KIF11: variants seen among roughly 807,000 people sequenced by gnomAD.
KIF11 encodes kinesin-like protein KIF11.
A neutral mutation model predicts 121.0 loss-of-function variants in KIF11; 9 were observed. That is an observed-to-expected ratio of 0.07 (90% confidence interval 0.04 to 0.13). KIF11 has a LOEUF of 0.13. KIF11 is among the 10% of genes least tolerant of loss of function. The probability of loss-of-function intolerance (pLI) is 1.00; values close to 1 mark genes in which losing one functional copy is unlikely to be tolerated. For synonymous variants in KIF11, 408 were observed against 421.0 expected, an observed-to-expected ratio of 0.97 and a Z score of 0.38; for missense variants, 846 against 1,217.5, an observed-to-expected ratio of 0.69 and a Z score of 4.54.
intron 1 of KIF11, among the ~76,000 whole-genome samples, chr10:92,604,899 G>A (rs1844411904): frequency 3.9e-5 from 6 of 152,104 alleles, no homozygotes; most frequent in Admixed American, 3.9e-4. Context: ...AGGCAATGTA[G>A]TTTAACAGAT....
Position 92,639,897 on chromosome 10 carries a change from A to T in KIF11, c.2264A>T (p.Gln755Leu). 6.6e-7 allele frequency: 1 copy of T among 1,505,066 alleles called. No homozygotes were observed. Among genetic ancestry groups the T allele is most frequent in the Non-Finnish European group, 9.2e-7 (1 of 1,091,246 alleles). 93.2% of individuals were successfully genotyped at this position (1,505,066 alleles called of 1,614,324 possible). ...CTTAGTAGTGTCCAGGAAAATATAC[A>T]GCAGTAAGCTATTTTTAAATTCTCT... Reference protein sequence around the residue: ...KPLSSVQENIQQKSKDIVNKM... With the variant: ...KPLSSVQENILQKSKDIVNKM... The change falls in exon 17 of 22, where the codon CAG (glutamine) becomes CTG (leucine). Residue 755 changes from glutamine (Q) to leucine (L), a missense_variant. Physicochemically the swap from Gln to Leu is moderately radical, Grantham distance 113. Coordinates refer to ENST00000260731, the MANE Select transcript of KIF11 (RefSeq NM_004523.4).
Position 92,609,202 on chromosome 10 carries a change from C to T in KIF11, c.570C>T (p.Asn190=). ...TACAGATGTTTGATGATCCCCGTAACAAGGTAATTCAGTCTTTGAGAATGA... is the reference window on the plus strand; with the variant it reads ...TACAGATGTTTGATGATCCCCGTAATAAGGTAATTCAGTCTTTGAGAATGA... ...ERLQMFDDPR[N]KRGVIIKGLE... Residue 190 remains asparagine, a synonymous_variant, in exon 5 of 22, where the codon AAC becomes AAT. Transcript: ENST00000260731. The T allele has an allele frequency of 6.4e-7, 1 of 1,557,784 alleles. No homozygotes were observed. Among genetic ancestry groups the T allele is most frequent in the Non-Finnish European group, 8.7e-7 (1 of 1,151,960 alleles).
chr10:92,601,418 C>T (rs996448150), intron 1 of KIF11, among the ~76,000 whole-genome samples: 25 of 151,488 alleles, frequency 1.7e-4, no homozygotes, highest in Middle Eastern at 3.4e-3. Flanking sequence ...GCCGTTTTAG[C>T]CAGGCTGGTC....
At chr10:92,599,206 C>T (rs1320450125) in intron 1 of KIF11, among the ~76,000 whole-genome samples, 2 of 151,646 alleles carry the variant, frequency 1.3e-5, no homozygotes, top group Non-Finnish European at 2.9e-5. Context: ...TTAGATTGTT[C>T]ATTCTTAGTG....
At position 92,616,011 on chromosome 10, in the gene KIF11, G is replaced by T. The variant is rs182950645; in HGVS notation, c.1033-726G>T. ...CCACCACCATGCCTGGCTAATTTTT[G>T]TATTTGTGGTGGAGACAGGGTTTCA... is the stretch of plus-strand genomic sequence containing the variant. On this transcript the variant is annotated intron_variant, in intron 8 of 21. Coordinates refer to ENST00000260731, the MANE Select transcript of KIF11 (RefSeq NM_004523.4). Among the ~76,000 whole-genome samples, 1,505 of 151,646 alleles carry T rather than the reference G, an allele frequency of 9.9e-3. 30 individuals carry two copies. Among genetic ancestry groups the T allele is most frequent in the African/African-American group, 0.034 (1,405 of 41,352 alleles).
At chr10:92,623,755 C>G (rs1844641959) in intron 10 of KIF11, among the ~76,000 whole-genome samples, 1 of 152,086 alleles carries the variant, frequency 6.6e-6, no homozygotes, top group African/African-American at 2.4e-5. Context: ...GGCACTCAAT[C>G]CTGGCCTGTA....
At chr10:92,651,507 GTTTTTTTTTTTTTTTTTTTTTTTTTT>G (rs1175303233) in intron 21 of KIF11, among the ~76,000 whole-genome samples, 48 of 52,974 alleles carry the variant, frequency 9.1e-4, no homozygotes, top group African/African-American at 2.1e-3. Flanking sequence ...GGCTAATTTT[GTTTTTTTTTTTTTTTTTTTTTTTTTT>G]TTTTTTTTTT....
In KIF11 at chr10:92,613,758, C is replaced by T. The variant is rs1844520610; in HGVS notation, c.1032+139C>T. 3.8e-6 allele frequency: 3 copies of T among 784,184 alleles called. No individual in the cohort carries two copies. Among genetic ancestry groups the T allele is most frequent in the South Asian group, 2.0e-5 (1 of 48,996 alleles). 48.6% of individuals were successfully genotyped at this position (784,184 alleles called of 1,614,324 possible). On this transcript the variant is annotated intron_variant, in intron 8 of 21. Transcript: ENST00000260731. This position sits in a 1 kb window ranked among gnomAD's most constrained non-coding sequence, Gnocchi z 4.2. ...CAGCACTTTGGAAGTCCAAGGTGGG[C>T]GGATCACTTGAGCTTAGGAGTGCCT...
intron 6 of KIF11, 75 bp downstream of exon 6, chr10:92,609,584 G>T: frequency 1.4e-6 from 2 of 1,477,090 alleles, no homozygotes; most frequent in South Asian, 2.7e-5. Context: ...AAGTCAAATT[G>T]GGGTGGGTCA....
intron 10 of KIF11, among the ~76,000 whole-genome samples, chr10:92,625,677 C>T (rs1218535963): frequency 6.6e-6 from 1 of 152,020 alleles, no homozygotes; most frequent in African/African-American, 2.4e-5. Context: ...ACTTAGAAAA[C>T]CCCATAGTCT....
At chr10:92,625,815 A>G (rs1035200240) in intron 10 of KIF11, among the ~76,000 whole-genome samples, 3 of 152,156 alleles carry the variant, frequency 2.0e-5, no homozygotes, top group African/African-American at 2.4e-5. Context: ...CAAGAATGCA[A>G]TTCCATTCAC....
chr10:92,614,893 C>T (rs1291938057), intron 8 of KIF11, among the ~76,000 whole-genome samples: 1 of 152,100 alleles, frequency 6.6e-6, no homozygotes, highest in Non-Finnish European at 1.5e-5. Context: ...AGTGATTCCC[C>T]CAACCACAGC....
At chr10:92,617,090 T>C (rs1368156236) in intron 9 of KIF11, among the ~76,000 whole-genome samples, 2 of 152,368 alleles carry the variant, frequency 1.3e-5, no homozygotes, top group Non-Finnish European at 2.9e-5. Flanking sequence ...TTTATTTATT[T>C]GCATTTTTGA....
chr10:92,609,805 T>G (rs567034051), intron 6 of KIF11, among the ~76,000 whole-genome samples: 1 of 152,230 alleles, frequency 6.6e-6, no homozygotes, highest in African/African-American at 2.4e-5. Context: ...GGCGCGATCT[T>G]GACTCACTGC....
chr10:92,616,926 TA>T, intron 9 of KIF11, 94 bp downstream of exon 9: 2 of 691,252 alleles, frequency 2.9e-6, no homozygotes, highest in Non-Finnish European at 4.9e-6. Flanking sequence ...CAAGATTTGT[TA>T]AATTGCCCAT....
intron 12 of KIF11, 41 bp from the exon 13 acceptor site, chr10:92,632,445 A>G: frequency 8.0e-7 from 1 of 1,247,430 alleles, no homozygotes; most frequent in Non-Finnish European, 1.2e-6. Flanking sequence ...GATTCCTTTC[A>G]CCGTATCCAT....
At chr10:92,607,078 G>GT (rs1844438725) in intron 3 of KIF11, 81 bp from the exon 4 acceptor site, 1 of 842,956 alleles carries the variant, frequency 1.2e-6, no homozygotes. Flanking sequence ...TGCCTGGCTT[G>GT]TTTTTTGTTT....
intron 1 of KIF11, among the ~76,000 whole-genome samples, chr10:92,603,267 T>TC (rs1409095983): frequency 6.3e-5 from 9 of 141,790 alleles, no homozygotes; most frequent in Admixed American, 2.8e-4. Flanking sequence ...TCTTTTCTTT[T>TC]TTTTTTTTTT....
At chr10:92,632,339 T>G in intron 12 of KIF11, 147 bp from the exon 13 acceptor site, 1 of 570,378 alleles carries the variant, frequency 1.8e-6, no homozygotes, top group Non-Finnish European at 3.1e-6. Context: ...AGCTAATTTT[T>G]GTATTTTTAG....
Sources: gnomAD v4.1 joint callset for allele counts (sites outside exome capture counted in the v4.1 genomes callset) on GRCh38, gnomAD v4.1.1 for gene constraint, Gnocchi (gnomAD v3.1) non-coding constraint, MANE v1.5 for transcripts, NCBI Gene and HGNC (gene_info 2026-07-23, HGNC 2026-07-21) for gene names.